The following FRK variants were observed in gnomAD, a reference collection of about 807,000 sequenced individuals.
FRK encodes fyn related Src family tyrosine kinase.
Under a neutral mutation model 56.4 loss-of-function variants are expected in FRK, and 51 were observed. That is an observed-to-expected ratio of 0.90 (90% CI 0.72 to 1.14). FRK has a LOEUF of 1.14. FRK is among the 50% of genes most tolerant of loss of function. The probability of loss-of-function intolerance (pLI) is 0.00; values close to 1 mark genes in which losing one functional copy is unlikely to be tolerated. For synonymous variants in FRK, 245 were observed against 217.9 expected, an observed-to-expected ratio of 1.12 and a Z score of -1.10; for missense variants, 570 against 601.4, an observed-to-expected ratio of 0.95 and a Z score of 0.55.
At chr6:116,009,708 T>A (rs546704841) in intron 1 of FRK, among the ~76,000 whole-genome samples, 1 of 152,228 alleles carries the variant, frequency 6.6e-6, no homozygotes, top group East Asian at 1.9e-4. Flanking sequence ...AAACAAAAAA[T>A]ATAATTTCTG....
chr6:116,029,109 C>T (rs965698233), intron 1 of FRK, among the ~76,000 whole-genome samples: 2 of 152,076 alleles, frequency 1.3e-5, no homozygotes, highest in African/African-American at 4.8e-5. Context: ...CTTTCCTCTG[C>T]CTGGAACGCT....
At chr6:116,022,011 T>C (rs931568576) in intron 1 of FRK, among the ~76,000 whole-genome samples, 1 of 151,998 alleles carries the variant, frequency 6.6e-6, no homozygotes, top group African/African-American at 2.4e-5. Context: ...GATTCTCACA[T>C]ATATTAAATT....
chr6:116,092,189 G>A, the FRK span, among the ~76,000 whole-genome samples: 143 of 152,264 alleles, frequency 9.4e-4, no homozygotes, highest in African/African-American at 3.0e-3. Context: ...AAGCCCTGTC[G>A]GGTGGGGACT....
intron 5 of FRK, among the ~76,000 whole-genome samples, chr6:115,953,179 CAT>C (rs1491471315): frequency 3.3e-4 from 23 of 69,396 alleles, no homozygotes; most frequent in African/African-American, 1.0e-3. Context: ...ATTTTAAGGC[CAT>C]TTTTTTTTTT....
At chr6:116,040,233 T>C (rs1447349557) in intron 1 of FRK, among the ~76,000 whole-genome samples, 1 of 152,176 alleles carries the variant, frequency 6.6e-6, no homozygotes, top group Non-Finnish European at 1.5e-5. Flanking sequence ...TGTAAATGAC[T>C]TTATGTAAAG....
At chr6:116,001,209 G>A (rs992159346) in intron 2 of FRK, among the ~76,000 whole-genome samples, 6 of 151,196 alleles carry the variant, frequency 4.0e-5, no homozygotes, top group African/African-American at 1.5e-4. Flanking sequence ...CTGCACTCCA[G>A]CCTGGTCGGC....
chr6:116,000,038 A>G (rs191784079), intron 2 of FRK, among the ~76,000 whole-genome samples: 1 of 152,298 alleles, frequency 6.6e-6, no homozygotes, highest in Non-Finnish European at 1.5e-5. Context: ...CAAGCTCCAG[A>G]GTATTCACAG....
At chr6:115,956,689 A>G in intron 4 of FRK, 79 bp from the exon 5 acceptor site, 2 of 1,153,446 alleles carry the variant, frequency 1.7e-6, no homozygotes, top group Non-Finnish European at 2.4e-6. Flanking sequence ...GGAATCATCA[A>G]GATTGCCTCC....
chr6:115,952,963 C>T (rs569118394), intron 5 of FRK, among the ~76,000 whole-genome samples: 299 of 150,952 alleles, frequency 2.0e-3, no homozygotes, highest in Non-Finnish European at 3.6e-3. Context: ...GGGAGATATA[C>T]CTAACGCTAA....
chr6:116,088,831 T>A, the FRK span, among the ~76,000 whole-genome samples: 1 of 152,222 alleles, frequency 6.6e-6, no homozygotes, highest in East Asian at 1.9e-4. Flanking sequence ...AAGTAAACAC[T>A]TTCTGAGTTA....
chr6:116,081,072 G>T, the FRK span, among the ~76,000 whole-genome samples: 1 of 152,152 alleles, frequency 6.6e-6, no homozygotes, highest in Admixed American at 6.5e-5. Context: ...CAGGGAAACT[G>T]CCCTTTTATA....
At chr6:116,017,078 G>A (rs1190579283) in intron 1 of FRK, among the ~76,000 whole-genome samples, 1 of 152,162 alleles carries the variant, frequency 6.6e-6, no homozygotes, top group East Asian at 1.9e-4. Flanking sequence ...TAGAATTACA[G>A]AAAGAAGCAG....
At chr6:115,974,715 G>A (rs370871835) in intron 2 of FRK, among the ~76,000 whole-genome samples, 28 of 151,962 alleles carry the variant, frequency 1.8e-4, no homozygotes, top group East Asian at 7.7e-4. Flanking sequence ...ATCTGTTTGC[G>A]TAGTCCTTTC....
intron 2 of FRK, among the ~76,000 whole-genome samples, chr6:116,002,143 G>A (rs761637760): frequency 2.0e-5 from 3 of 151,982 alleles, no homozygotes; most frequent in Non-Finnish European, 1.5e-5. Context: ...AGTTTTTTAT[G>A]TTTCTTTCAT....
At chr6:115,991,637 G>A (rs1288737311) in intron 2 of FRK, among the ~76,000 whole-genome samples, 2 of 151,774 alleles carry the variant, frequency 1.3e-5, no homozygotes, top group Admixed American at 1.3e-4. Context: ...TGATCATGAT[G>A]AATTATCTTT....
intron 2 of FRK, among the ~76,000 whole-genome samples, chr6:115,992,008 A>T (rs1438308023): frequency 1.3e-5 from 2 of 151,670 alleles, no homozygotes; most frequent in East Asian, 3.9e-4. Context: ...TTTCCCAGTC[A>T]TAATGTCACT....
rs750164707 is a variant in FRK at position 115,956,592 on chromosome 6, T to A, written c.818A>T (p.Asp273Val). The A allele has an allele frequency of 6.4e-7, 1 of 1,565,912 alleles. No individual in the cohort carries two copies. Among genetic ancestry groups the A allele is most frequent in the South Asian group, 1.3e-5 (1 of 79,538 alleles). ...TLKPGSMDPN[D>V]FLREAQIMKN... Reference sequence around the variant, plus strand: ...CATTATCTGTGCCTCCCTCAGGAAGTCATTTGGATCCATTGAACCTGAAAC... The same window carrying A: ...CATTATCTGTGCCTCCCTCAGGAAGACATTTGGATCCATTGAACCTGAAAC... The change falls in exon 5 of 8, where the codon GAC (aspartate) becomes GTC (valine). Residue 273 changes from aspartate to valine, a missense_variant. Transcript: ENST00000606080.
intron 2 of FRK, among the ~76,000 whole-genome samples, chr6:115,979,123 C>A (rs1774098203): frequency 6.6e-6 from 1 of 151,584 alleles, no homozygotes. Context: ...ACATATTTAA[C>A]TATAAAACAG....
At chr6:116,069,523 T>G in the FRK span, among the ~76,000 whole-genome samples, 1 of 152,118 alleles carries the variant, frequency 6.6e-6, no homozygotes, top group Non-Finnish European at 1.5e-5. Context: ...GCAATCCCAA[T>G]ACTTGAGGGG....
Sources: allele counts gnomAD v4.1 joint callset (sites outside exome capture counted in the v4.1 genomes callset), GRCh38; gene constraint gnomAD v4.1.1; transcripts MANE v1.5; gene names NCBI Gene and HGNC (gene_info 2026-07-23, HGNC 2026-07-21).